The following TLN2 variants were observed in gnomAD, a reference collection of about 807,000 sequenced individuals.
TLN2 encodes talin 2.
TLN2 carries 118 observed loss-of-function variants against 294.7 expected under a neutral mutation model. The ratio of observed to expected loss-of-function variants is 0.40; its 90% CI spans 0.34 to 0.47. The LOEUF (loss-of-function observed/expected upper bound fraction) is 0.47, where lower values mean the gene tolerates loss of function less well. Among genes scored for constraint, TLN2 ranks in the 20% least tolerant of loss-of-function variants. TLN2 has a pLI of 0.84. For missense variants in TLN2, 3,083 were observed against 3,282.2 expected (o/e 0.94, Z 1.48); for synonymous variants, 1,431 against 1,304.5 (o/e 1.10, Z -2.09).
chr15:62,610,905 C>G (rs866916047), intron 2 of TLN2, among the ~76,000 whole-genome samples: 1 of 152,170 alleles, frequency 6.6e-6, no homozygotes, highest in South Asian at 2.1e-4. Context: ...ACTTGAAACC[C>G]GTGATTCACA....
chr15:62,815,278 A>T (rs1009110696), intron 52 of TLN2, among the ~76,000 whole-genome samples: 72 of 150,592 alleles, frequency 4.8e-4, no homozygotes, highest in African/African-American at 1.7e-3. Flanking sequence ...CTGCAGAAAG[A>T]CTCTGTATGA....
At chr15:62,782,063 T>G (rs1372051342) in intron 44 of TLN2, among the ~76,000 whole-genome samples, 1 of 152,244 alleles carries the variant, frequency 6.6e-6, no homozygotes, top group African/African-American at 2.4e-5. Flanking sequence ...TCTTTGATAC[T>G]TGCCACATAA....
chr15:62,817,578 A>G (rs1027128208), intron 52 of TLN2, among the ~76,000 whole-genome samples: 3 of 152,202 alleles, frequency 2.0e-5, no homozygotes, highest in Non-Finnish European at 4.4e-5. Flanking sequence ...AGGGCTGGTC[A>G]TGGTGTAACC....
intron 28 of TLN2, among the ~76,000 whole-genome samples, chr15:62,731,983 G>A (rs903163212): frequency 3.3e-5 from 5 of 152,140 alleles, no homozygotes; most frequent in Admixed American, 1.3e-4. Flanking sequence ...TAAAGTACCT[G>A]CAATAATAAG....
chr15:62,681,399 C>G (rs912108371), intron 11 of TLN2, among the ~76,000 whole-genome samples: 1 of 152,166 alleles, frequency 6.6e-6, no homozygotes, highest in South Asian at 2.1e-4. Context: ...ATTGAACACA[C>G]CTACTCAAAC....
intron 1 of TLN2, among the ~76,000 whole-genome samples, chr15:62,400,325 T>C (rs568091844): frequency 6.6e-6 from 1 of 152,352 alleles, no homozygotes; most frequent in East Asian, 1.9e-4. Context: ...TGAGAATGGA[T>C]TAATACAGGT....
intron 1 of TLN2, among the ~76,000 whole-genome samples, chr15:62,391,986 T>C (rs1232173503): frequency 6.6e-6 from 1 of 152,250 alleles, no homozygotes; most frequent in Non-Finnish European, 1.5e-5. Flanking sequence ...AGTAGCTCAC[T>C]TCCTGGGGGA....
At chr15:62,475,115 G>C (rs1418742703) in intron 1 of TLN2, among the ~76,000 whole-genome samples, 1 of 152,170 alleles carries the variant, frequency 6.6e-6, no homozygotes, top group Non-Finnish European at 1.5e-5. Flanking sequence ...TTAACGATTT[G>C]TCATTGCTGA....
At chr15:62,667,099 G>A (rs1009368039) in intron 9 of TLN2, among the ~76,000 whole-genome samples, 1 of 152,208 alleles carries the variant, frequency 6.6e-6, no homozygotes, top group South Asian at 2.1e-4. Flanking sequence ...CCGAGTAGCT[G>A]GGACTACAGG....
chr15:62,621,289 T>G (rs564651935), intron 3 of TLN2, among the ~76,000 whole-genome samples: 1 of 152,220 alleles, frequency 6.6e-6, no homozygotes, highest in African/African-American at 2.4e-5. Context: ...CAGGGTGATA[T>G]TGTATGGCTG....
intron 39 of TLN2, chr15:62,763,250 C>G: frequency 5.9e-6 from 1 of 169,414 alleles, no homozygotes; most frequent in Non-Finnish European, 1.2e-5. Context: ...GAGTAAAAGT[C>G]CTGTGCTTAA....
Position 62,736,897 on chromosome 15 carries a change from G to A in TLN2, c.3378G>A (p.Thr1126=), listed in dbSNP as rs746273332. The A allele has an allele frequency of 3.1e-6, 5 of 1,614,048 alleles. No individual in the cohort carries two copies. The highest frequency in any genetic ancestry group is 2.2e-5 in the South Asian group (2 of 91,080). The change falls in exon 29 of 59, where the codon ACG becomes ACA. Residue 1126 remains threonine, a synonymous_variant. Coordinates refer to ENST00000636159, the MANE Select transcript of TLN2 (RefSeq NM_015059.3). ...EHYTGVAARE[T]AQALKTLAQA... is the part of the protein sequence containing the mutation. ...CCCCAGGGGTGGCTGCTAGAGAGAC[G>A]GCCCAAGCTCTGAAAACACTGGCCC...
At chr15:62,834,243 T>C (rs1446588213) in intron 55 of TLN2, 1 of 152,228 alleles carries the variant, frequency 6.6e-6, no homozygotes, top group Non-Finnish European at 1.5e-5. Context: ...GGAACAGTCT[T>C]CCGATTTAAC....
intron 51 of TLN2, among the ~76,000 whole-genome samples, chr15:62,808,214 C>A (rs1054364386): frequency 6.6e-6 from 1 of 152,160 alleles, no homozygotes; most frequent in Non-Finnish European, 1.5e-5. Flanking sequence ...ATATTTCTTT[C>A]TAGTCTTACT....
At chr15:62,835,146 G>A (rs529776497) in intron 55 of TLN2, 1 of 153,212 alleles carries the variant, frequency 6.5e-6, no homozygotes, top group South Asian at 2.1e-4. Context: ...TCTGGATGTG[G>A]ACAGAAAATG....
chr15:62,466,851 T>C (rs1467941339), intron 1 of TLN2, among the ~76,000 whole-genome samples: 1 of 152,212 alleles, frequency 6.6e-6, no homozygotes, highest in Admixed American at 6.5e-5. Context: ...TCTGACCTTG[T>C]CTCCACTAAG....
intron 47 of TLN2, 107 bp from the exon 48 acceptor site, chr15:62,797,112 A>G (rs930545397): frequency 2.4e-6 from 3 of 1,259,260 alleles, no homozygotes; most frequent in Non-Finnish European, 3.4e-6. Flanking sequence ...TCTCTTCTTC[A>G]AAGCCCTTTA....
At chr15:62,457,685 C>T (rs569259197) in intron 1 of TLN2, among the ~76,000 whole-genome samples, 2 of 152,254 alleles carry the variant, frequency 1.3e-5, no homozygotes, top group East Asian at 3.9e-4. Flanking sequence ...AAAGCCACGG[C>T]CAGCAGAGGG....
intron 43 of TLN2, among the ~76,000 whole-genome samples, 167 bp from the exon 44 acceptor site, chr15:62,780,973 G>A (rs531283161): frequency 6.6e-6 from 1 of 152,262 alleles, no homozygotes; most frequent in South Asian, 2.1e-4. Context: ...TGCCTTATGT[G>A]CCCTTCTGTT....
Sources: gnomAD v4.1 joint callset for allele counts (sites outside exome capture counted in the v4.1 genomes callset) on GRCh38, gnomAD v4.1.1 for gene constraint, MANE v1.5 for transcripts, NCBI Gene and HGNC (gene_info 2026-07-23, HGNC 2026-07-21) for gene names.